Variants in ATP13A4 observed in about 807,000 individuals in gnomAD.
ATP13A4 encodes the protein ATPase 13A4.
In ATP13A4, 114 loss-of-function variants were observed where a neutral mutation model predicts 142.5. The ratio of observed to expected loss-of-function variants is 0.80; its 90% CI spans 0.69 to 0.93. The LOEUF (loss-of-function observed/expected upper bound fraction) is 0.93, where lower values mean the gene tolerates loss of function less well. ATP13A4 is among the 40% of genes least tolerant of loss of function. The probability of loss-of-function intolerance (pLI) is 0.00; values close to 1 mark genes in which losing one functional copy is unlikely to be tolerated. For missense variants in ATP13A4, 1,392 were observed against 1,454.0 expected (o/e 0.96, Z 0.69); for synonymous variants, 488 against 514.8 (o/e 0.95, Z 0.70).
intron 1 of ATP13A4, among the ~76,000 whole-genome samples, chr3:193,525,739 GTC>G (rs1721962372): frequency 6.6e-6 from 1 of 152,092 alleles, no homozygotes; most frequent in Non-Finnish European, 1.5e-5. Flanking sequence ...ACACAAACAC[GTC>G]TCTCTCAACC....
chr3:193,536,057 T>C (rs1410266018), intron 1 of ATP13A4, among the ~76,000 whole-genome samples: 2 of 151,830 alleles, frequency 1.3e-5, no homozygotes, highest in Non-Finnish European at 2.9e-5. Context: ...CTACCAAACA[T>C]TGAAAGAAAA....
At chr3:193,465,893 T>A (rs573408865) in intron 11 of ATP13A4, 132 bp downstream of exon 11, 1 of 1,024,280 alleles carries the variant, frequency 9.8e-7, no homozygotes, top group African/African-American at 1.6e-5. Flanking sequence ...TGGAAGTCTA[T>A]ACGTAGGCAT....
chr3:193,579,713 A>C (rs576891361), intron 2 of ATP13A4, among the ~76,000 whole-genome samples: 1 of 129,160 alleles, frequency 7.7e-6, no homozygotes, highest in Non-Finnish European at 1.6e-5. Context: ...CGTGCTCTCC[A>C]AAGTGACCTT....
At chr3:193,474,767 AAG>A (rs1718866125) in intron 8 of ATP13A4, among the ~76,000 whole-genome samples, 1 of 151,712 alleles carries the variant, frequency 6.6e-6, no homozygotes, top group Non-Finnish European at 1.5e-5. Flanking sequence ...AAGAAAGAGA[AAG>A]AAAGAAAGAA....
rs1324047310 is a variant in ATP13A4, at chr3:193,466,083, A to G, written c.1214T>C (p.Leu405Pro). The G allele has an allele frequency of 6.2e-7, 1 of 1,614,196 alleles. No homozygotes were observed. Among genetic ancestry groups the G allele is most frequent in the Middle Eastern group, 1.6e-4 (1 of 6,062 alleles). ...CATCCCAATGGTGGCTGTTCCTACA[A>G]GGCACAGGAGGAACCTGATGGCATC... ...YRDAIRFLLCLVGTATIGMIY... is the reference protein window; with the variant it reads ...YRDAIRFLLCPVGTATIGMIY... Residue 405 changes from leucine (L) to proline (P), a missense_variant, in exon 11 of 30, where the codon CTT becomes CCT. Transcript: ENST00000342695.
chr3:193,584,568 T>C (rs1281315458), intron 1 of ATP13A4, among the ~76,000 whole-genome samples: 5 of 152,046 alleles, frequency 3.3e-5, no homozygotes, highest in Non-Finnish European at 7.3e-5. Context: ...TCCTCATCTC[T>C]ATACTAATGA....
At chr3:193,474,882 A>G (rs897899567) in intron 8 of ATP13A4, among the ~76,000 whole-genome samples, 1 of 152,096 alleles carries the variant, frequency 6.6e-6, no homozygotes, top group African/African-American at 2.4e-5. Flanking sequence ...TATTTAAACT[A>G]TTCTTACAAC....
At chr3:193,449,535 C>A (rs1717147202) in intron 17 of ATP13A4, among the ~76,000 whole-genome samples, 1 of 152,194 alleles carries the variant, frequency 6.6e-6, no homozygotes, top group Non-Finnish European at 1.5e-5. Context: ...AATGGCACTT[C>A]CCATTTTCTG....
intron 24 of ATP13A4, among the ~76,000 whole-genome samples, chr3:193,435,107 C>T (rs955443486): frequency 3.3e-5 from 5 of 152,166 alleles, no homozygotes; most frequent in Non-Finnish European, 7.3e-5. Context: ...ATTTACGACT[C>T]TTGTATCTAT....
chr3:193,495,706 C>T (rs1353307029), intron 3 of ATP13A4, among the ~76,000 whole-genome samples: 1 of 152,074 alleles, frequency 6.6e-6, no homozygotes, highest in Non-Finnish European at 1.5e-5. Context: ...TTTTATTCAA[C>T]ATACTACGGG....
chr3:193,467,607 AC>A (rs1718379920), intron 9 of ATP13A4, 121 bp from the exon 10 acceptor site: 1 of 972,324 alleles, frequency 1.0e-6, no homozygotes, highest in Non-Finnish European at 1.6e-6. Flanking sequence ...GGCAGAGACA[AC>A]CCTAGGTATT....
chr3:193,574,246 G>A (rs11916762), intron 2 of ATP13A4, among the ~76,000 whole-genome samples: 79,497 of 152,112 alleles, frequency 0.52, 21,497 homozygotes, highest in African/African-American at 0.65. Context: ...CACCCGTAGT[G>A]AAGGAAGGAA....
At chr3:193,426,572 A>G (rs1428010489) in intron 25 of ATP13A4, among the ~76,000 whole-genome samples, 2 of 151,904 alleles carry the variant, frequency 1.3e-5, no homozygotes, top group Non-Finnish European at 2.9e-5. Flanking sequence ...TGAAAAGAAA[A>G]ATAGCATTGA....
chr3:193,435,749 G>A lies in ATP13A4; in HGVS notation c.2673-5C>T. 1 of 1,609,808 alleles carries A rather than the reference G, an allele frequency of 6.2e-7. No individual in the cohort carries two copies. Among genetic ancestry groups the A allele is most frequent in the Non-Finnish European group, 8.5e-7 (1 of 1,176,274 alleles). On this transcript the variant is annotated splice_polypyrimidine_tract_variant and splice_region_variant and intron_variant, in intron 23 of 29. Coordinates refer to ENST00000342695, the MANE Select transcript of ATP13A4 (RefSeq NM_032279.4). Reference sequence around the variant, plus strand: ...ACGAGAGCTGCACGTCCTTCCCTGTGTAAGAAAAGAAATGATAAAGACATG... The same window carrying A: ...ACGAGAGCTGCACGTCCTTCCCTGTATAAGAAAAGAAATGATAAAGACATG...
At chr3:193,513,817 A>G (rs1172842835) in intron 2 of ATP13A4, among the ~76,000 whole-genome samples, 1 of 152,224 alleles carries the variant, frequency 6.6e-6, no homozygotes, top group Non-Finnish European at 1.5e-5. Flanking sequence ...GACAGACAGC[A>G]TCCTCCTCAG....
intron 1 of ATP13A4, 184 bp downstream of exon 1, chr3:193,554,556 G>C (rs1435350102): frequency 2.8e-6 from 2 of 713,196 alleles, no homozygotes; most frequent in East Asian, 2.7e-5. Context: ...GCTGTCAGAG[G>C]TTATATTTAC....
chr3:193,569,902 G>A (rs377502762), intron 2 of ATP13A4, among the ~76,000 whole-genome samples: 48 of 152,150 alleles, frequency 3.2e-4, no homozygotes, highest in African/African-American at 1.1e-3. Context: ...AGGGAAATCG[G>A]GTGCGGGGTA....
intron 8 of ATP13A4, among the ~76,000 whole-genome samples, chr3:193,483,493 C>A (rs891122134): frequency 6.6e-6 from 1 of 152,130 alleles, no homozygotes; most frequent in African/African-American, 2.4e-5. Context: ...GAGATGGAGT[C>A]TCGCTCTGTC....
intron 1 of ATP13A4, among the ~76,000 whole-genome samples, chr3:193,534,912 CA>C (rs1203905646): frequency 6.6e-6 from 1 of 151,356 alleles, no homozygotes; most frequent in Admixed American, 6.6e-5. Flanking sequence ...AAGAAATCTA[CA>C]AAAAGAAGCA....
Sources: gnomAD v4.1 joint callset for allele counts (sites outside exome capture counted in the v4.1 genomes callset) on GRCh38, gnomAD v4.1.1 for gene constraint, MANE v1.5 for transcripts, NCBI Gene and HGNC (gene_info 2026-07-23, HGNC 2026-07-21) for gene names.